DNA2: variants seen among roughly 807,000 people sequenced by gnomAD.
DNA2 encodes the protein DNA replication helicase/nuclease 2.
In DNA2, 101 loss-of-function variants were observed where a neutral mutation model predicts 119.1. The observed-to-expected ratio is 0.85, with a 90% CI of 0.72 to 1.00. The LOEUF is 1.00. Among genes scored for constraint, DNA2 ranks in the 50% least tolerant of loss-of-function variants. DNA2 has a pLI of 0.00. For missense variants in DNA2, 1,121 were observed against 1,255.5 expected, an observed-to-expected ratio of 0.89 and a Z score of 1.62; for synonymous variants, 366 against 424.4, an observed-to-expected ratio of 0.86 and a Z score of 1.69.
chr10:68,456,152 G>A (rs1256134995), intron 5 of DNA2, among the ~76,000 whole-genome samples: 1 of 152,128 alleles, frequency 6.6e-6, no homozygotes, highest in East Asian at 1.9e-4. Context: ...AACTCAGGAG[G>A]CAGAGGTTGC....
rs143954759 is a variant in DNA2, at chr10:68,452,856, T to C, written c.720-2609A>G. On this transcript the variant is annotated intron_variant, in intron 5 of 20. Coordinates refer to ENST00000358410, the MANE Select transcript of DNA2 (RefSeq NM_001080449.3). ...GCTTTCGCCTCCCAAAGTGCTGGGA[T>C]TACAGTTATGAGCCACCATGCGCGG... 1.8e-3 allele frequency among the ~76,000 whole-genome samples: 267 copies of C among 150,774 alleles called. 2 individuals carry two copies. Among genetic ancestry groups the C allele is most frequent in the African/African-American group, 6.0e-3 (247 of 41,022 alleles).
chr10:68,457,377 T>C (rs529174601), intron 5 of DNA2, among the ~76,000 whole-genome samples: 129 of 152,308 alleles, frequency 8.5e-4, no homozygotes, highest in African/African-American at 3.0e-3. Context: ...CAGACAGCTG[T>C]ACGGTTCACT....
chr10:68,454,389 C>A (rs2052157862), intron 5 of DNA2, among the ~76,000 whole-genome samples: 1 of 150,660 alleles, frequency 6.6e-6, no homozygotes, highest in Admixed American at 6.6e-5. Context: ...GTTAAGACTC[C>A]ACCAAAGGAA....
At chr10:68,433,279 A>T (rs2051845234) in intron 10 of DNA2, among the ~76,000 whole-genome samples, 1 of 152,132 alleles carries the variant, frequency 6.6e-6, no homozygotes, top group East Asian at 1.9e-4. Flanking sequence ...ATCAGTATCC[A>T]AATGCCAGCC....
chr10:68,438,194 AAACCAT>A (rs1333342851), intron 9 of DNA2, among the ~76,000 whole-genome samples: 1 of 152,146 alleles, frequency 6.6e-6, no homozygotes, highest in African/African-American at 2.4e-5. Flanking sequence ...TACAGAAAAC[AAACCAT>A]AATAACCTGC....
chr10:68,422,841 C>A lies in DNA2; in HGVS notation c.2258G>T (p.Arg753Leu), dbSNP rs751092529. The change falls in exon 15 of 21, where the codon CGT (arginine) becomes CTT (leucine). Residue 753 changes from arginine (R) to leucine (L), a missense_variant. By Grantham distance (102) the Arg-to-Leu change is moderately radical. Transcript: ENST00000358410. Reference protein sequence around the residue: ...CMGINHPIFSRKIFDFCIVDE... With the variant: ...CMGINHPIFSLKIFDFCIVDE... ...CACAATACAAAAATCAAAAATTTTA[C>A]GGGAAAATATTGGATGGTTTATTCC... 1.4e-5 allele frequency: 23 copies of A among 1,608,440 alleles called. No individual in the cohort carries two copies. The highest frequency in any genetic ancestry group is 1.9e-5 in the Non-Finnish European group (22 of 1,178,658).
chr10:68,428,126 G>A (rs1466248784), intron 14 of DNA2, among the ~76,000 whole-genome samples: 1 of 151,536 alleles, frequency 6.6e-6, no homozygotes, highest in Non-Finnish European at 1.5e-5. Flanking sequence ...AGGAGATTGA[G>A]ACCATCCTGG....
chr10:68,425,839 A>G (rs145647672), intron 14 of DNA2, among the ~76,000 whole-genome samples: 3 of 152,076 alleles, frequency 2.0e-5, no homozygotes, highest in African/African-American at 7.2e-5. Flanking sequence ...CAAAAACCCA[A>G]AAAACAAATA....
chr10:68,429,884 T>A (rs2051796643), intron 14 of DNA2, among the ~76,000 whole-genome samples: 1 of 128,230 alleles, frequency 7.8e-6, no homozygotes, highest in Non-Finnish European at 1.7e-5. Flanking sequence ...AAACCCGGAT[T>A]TTTTTTTTTT....
rs1225831111 is a variant in DNA2 at position 68,430,422 on chromosome 10, A to G, written c.2208+14T>C. Reference sequence around the variant, plus strand: ...CATTAACTGTTAGTATTATTATACAATAATTGTGCTTACTTGACTATTGTA... The same window carrying G: ...CATTAACTGTTAGTATTATTATACAGTAATTGTGCTTACTTGACTATTGTA... On this transcript the variant is annotated intron_variant, in intron 14 of 20. Transcript: ENST00000358410. 6.5e-7 allele frequency: 1 copy of G among 1,537,372 alleles called. No homozygotes were observed. Among genetic ancestry groups the G allele is most frequent in the Non-Finnish European group, 8.9e-7 (1 of 1,123,600 alleles).
intron 3 of DNA2, among the ~76,000 whole-genome samples, chr10:68,466,629 A>G (rs1469169930): frequency 1.4e-5 from 2 of 146,896 alleles, no homozygotes; most frequent in African/African-American, 5.1e-5. Flanking sequence ...CCCAGGCTGG[A>G]GTGCAGCCGC....
At chr10:68,468,411 G>A in intron 2 of DNA2, 105 bp from the exon 3 acceptor site, 15 of 712,232 alleles carry the variant, frequency 2.1e-5, no homozygotes, top group South Asian at 5.6e-5. Flanking sequence ...ATCTGAAGAA[G>A]AAAAAAATAT....
intron 9 of DNA2, among the ~76,000 whole-genome samples, chr10:68,442,251 C>T (rs1189886537): frequency 6.6e-6 from 1 of 151,238 alleles, no homozygotes; most frequent in Non-Finnish European, 1.5e-5. Flanking sequence ...CAGAGTCTCG[C>T]TCTGTCACCC....
At chr10:68,437,407 G>A (rs553206479) in intron 9 of DNA2, among the ~76,000 whole-genome samples, 166 bp from the exon 10 acceptor site, 85 of 151,694 alleles carry the variant, frequency 5.6e-4, no homozygotes, top group African/African-American at 1.5e-3. Context: ...AGGCCGAGGC[G>A]GGTGGATTAC....
intron 1 of DNA2, chr10:68,470,549 G>A (rs529270295): frequency 6.7e-6 from 3 of 446,392 alleles, no homozygotes; most frequent in South Asian, 4.8e-5. Flanking sequence ...AGGAGTTTGA[G>A]GCTGCAGTGA....
At chr10:68,469,629 AT>A (rs534192936) in intron 2 of DNA2, among the ~76,000 whole-genome samples, 77 of 151,154 alleles carry the variant, frequency 5.1e-4, no homozygotes, top group South Asian at 4.8e-3. Context: ...TACCCAGCTA[AT>A]TTTTTTTTAT....
chr10:68,467,222 T>G (rs1359014184), intron 3 of DNA2, among the ~76,000 whole-genome samples: 1 of 152,008 alleles, frequency 6.6e-6, no homozygotes, highest in Non-Finnish European at 1.5e-5. Flanking sequence ...CAAGCAATTC[T>G]GCCTCAGCCT....
intron 4 of DNA2, among the ~76,000 whole-genome samples, chr10:68,464,980 C>T (rs1243262594): frequency 1.3e-5 from 2 of 151,382 alleles, no homozygotes; most frequent in East Asian, 1.9e-4. Flanking sequence ...TAGCAAGACC[C>T]CTATCTCCCC....
rs577111791 is a variant in DNA2 at position 68,430,785 on chromosome 10, A to G, written c.1984-125T>C. The G allele has an allele frequency of 1.0e-4, 72 of 721,372 alleles. No individual in the cohort carries two copies. In the East Asian group the frequency reaches 1.9e-3, roughly 19 times the overall value. The allele number at this position is 721,372 out of a possible 1,614,324, so 44.7% of individuals were successfully genotyped here. On this transcript the variant is annotated intron_variant, in intron 13 of 20. Transcript: ENST00000358410. ...TGAGCCAAGTAAAAATTATGAAGCC[A>G]AAACATTTTACAAAAATTACATGAC...
Sources: allele counts gnomAD v4.1 joint callset (sites outside exome capture counted in the v4.1 genomes callset), GRCh38; gene constraint gnomAD v4.1.1; transcripts MANE v1.5; gene names NCBI Gene and HGNC (gene_info 2026-07-23, HGNC 2026-07-21).